The following GNG4 variants were observed in gnomAD, a reference collection of about 807,000 sequenced individuals.
GNG4 encodes the protein guanine nucleotide-binding protein G(I)/G(S)/G(O) subunit gamma-4.
A neutral mutation model predicts 5.8 loss-of-function variants in GNG4; 4 were observed. The observed-to-expected ratio is 0.69, with a 90% CI of 0.34 to 1.57. The LOEUF is 1.57. Ranked by LOEUF, GNG4 falls within the 40% of genes most tolerant of loss-of-function variation. The pLI, the probability that GNG4 is intolerant of heterozygous loss-of-function variation, is 0.06. For missense variants in GNG4, 96 were observed against 95.1 expected (o/e 1.01, Z -0.04); for synonymous variants, 29 against 32.9 (o/e 0.88, Z 0.41).
At chr1:235,616,726 ATG>A (rs56726138) in intron 1 of GNG4, among the ~76,000 whole-genome samples, 8,469 of 149,690 alleles carry the variant, frequency 0.057, 479 homozygotes, top group African/African-American at 0.15. Context: ...GTGCTGAAAG[ATG>A]TGTGTGTGTG....
chr1:235,618,484 T>C (rs950173722), intron 1 of GNG4, among the ~76,000 whole-genome samples: 10 of 152,202 alleles, frequency 6.6e-5, no homozygotes, highest in South Asian at 4.2e-4. Context: ...ATCGATTTAT[T>C]ACTATCACAT....
intron 1 of GNG4, among the ~76,000 whole-genome samples, chr1:235,607,881 C>G (rs1305380491): frequency 1.3e-5 from 2 of 152,172 alleles, no homozygotes; most frequent in Non-Finnish European, 2.9e-5. Flanking sequence ...TGAGGCTGTC[C>G]AAGAAAGATG....
intron 2 of GNG4, among the ~76,000 whole-genome samples, chr1:235,587,881 G>C (rs918488678): frequency 6.0e-5 from 9 of 151,188 alleles, no homozygotes; most frequent in African/African-American, 2.2e-4. Flanking sequence ...AGGGTGTGGG[G>C]GGTGTGTTTG....
chr1:235,607,544 C>G (rs538510332), intron 1 of GNG4, among the ~76,000 whole-genome samples: 1 of 152,370 alleles, frequency 6.6e-6, no homozygotes, highest in Non-Finnish European at 1.5e-5. Flanking sequence ...TGTGAATTAT[C>G]TGAAGCAAAT....
At chr1:235,592,505 A>C (rs767175821) in intron 2 of GNG4, among the ~76,000 whole-genome samples, 2 of 152,088 alleles carry the variant, frequency 1.3e-5, no homozygotes, top group Non-Finnish European at 2.9e-5. Flanking sequence ...TGAGACTCTT[A>C]TCTCTAAATA....
chr1:235,648,544 GGAGGAATC>G lies in GNG4; in HGVS notation c.-123+1110_-123+1117del, dbSNP rs1657571816. The stretch of plus-strand genomic sequence containing the variant: ...ACAAAAATCAGGAAAAGGAGTTGCG[GGAGGAATC>G]GAGAAGCCGGCCGCAGAGCCCAGGT... On this transcript the variant is annotated intron_variant, in intron 1 of 3. Transcript: ENST00000391854. This position sits in a 1 kb window ranked among gnomAD's most constrained non-coding sequence, Gnocchi z 5.0. 6.6e-6 allele frequency among the ~76,000 whole-genome samples: 1 copy of G among 152,236 alleles called. No homozygotes were observed. Among genetic ancestry groups the G allele is most frequent in the Admixed American group, 6.5e-5 (1 of 15,284 alleles).
chr1:235,552,421 C>G (rs890011544), intron 3 of GNG4, among the ~76,000 whole-genome samples, 184 bp from the exon 4 acceptor site: 2 of 152,090 alleles, frequency 1.3e-5, no homozygotes, highest in Non-Finnish European at 2.9e-5. Flanking sequence ...TGGTTCGAAG[C>G]GGGCCTCCAA....
intron 3 of GNG4, among the ~76,000 whole-genome samples, chr1:235,583,499 T>G (rs1018663369): frequency 6.6e-6 from 1 of 152,258 alleles, no homozygotes; most frequent in Non-Finnish European, 1.5e-5. Context: ...AGATGAATTA[T>G]GAGTCTATTT....
At chr1:235,558,458 T>C (rs1686975171) in intron 3 of GNG4, among the ~76,000 whole-genome samples, 1 of 152,188 alleles carries the variant, frequency 6.6e-6, no homozygotes, top group Non-Finnish European at 1.5e-5. Context: ...GTAATGACCG[T>C]CTAAATGAGC....
chr1:235,553,410 A>C (rs1686806907), intron 3 of GNG4, among the ~76,000 whole-genome samples: 1 of 152,232 alleles, frequency 6.6e-6, no homozygotes, highest in Non-Finnish European at 1.5e-5. Context: ...AATACATAGC[A>C]GTCAAATGAA....
chr1:235,628,642 G>A (rs1400961459), intron 1 of GNG4, among the ~76,000 whole-genome samples: 1 of 152,184 alleles, frequency 6.6e-6, no homozygotes, highest in African/African-American at 2.4e-5. Context: ...GGCAACCCAA[G>A]CAGGCCAAAC....
chr1:235,616,152 T>C (rs1205181527), intron 1 of GNG4: 5 of 508,762 alleles, frequency 9.8e-6, no homozygotes, highest in South Asian at 7.2e-5. Flanking sequence ...TGCTGCTATG[T>C]GGGTCTGGCC....
chr1:235,549,830 T>C lies in GNG4; in HGVS notation c.*2279A>G. On this transcript the variant is annotated 3_prime_UTR_variant, in exon 4 of 4. Transcript: ENST00000391854. Reference sequence around the variant, plus strand: ...GCCTCCAACGGAACCATGGTCTCTTTGAAGTCATCCATTCTTCCCTATATT... The same window carrying C: ...GCCTCCAACGGAACCATGGTCTCTTCGAAGTCATCCATTCTTCCCTATATT... The C allele has an allele frequency of 6.6e-6, 1 of 152,262 alleles. No individual in the cohort carries two copies. Among genetic ancestry groups the C allele is most frequent in the East Asian group, 1.9e-4 (1 of 5,208 alleles). The allele number at this position is 152,262 out of a possible 1,614,324, so 9.4% of individuals were successfully genotyped here.
chr1:235,635,549 G>A lies in GNG4; in HGVS notation c.-123+14113C>T, dbSNP rs375010451. On this transcript the variant is annotated intron_variant, in intron 1 of 3. Transcript: ENST00000391854. Reference sequence around the variant, plus strand: ...ATGGAGGTGGGGCCTGGTGGGAGGCGTTTGAGTCATGGGGGTGGAGCCCTC... The same window carrying A: ...ATGGAGGTGGGGCCTGGTGGGAGGCATTTGAGTCATGGGGGTGGAGCCCTC... Among the ~76,000 whole-genome samples, 8 of 22,300 alleles carry A rather than the reference G, an allele frequency of 3.6e-4. No individual in the cohort carries two copies. The East Asian group carries it at 0.014, about 38-fold the overall frequency. The allele number at this position is 22,300 out of a possible 152,430, so 14.6% of individuals were successfully genotyped here. A position where few individuals can be genotyped will look rare whatever the true frequency, so the allele number is the denominator to read the frequency against.
rs754904435 is a variant in GNG4, at chr1:235,644,612, G to T, written c.-123+5050C>A. On this transcript the variant is annotated intron_variant, in intron 1 of 3. Transcript: ENST00000391854. This position sits in a 1 kb window ranked among gnomAD's most constrained non-coding sequence, Gnocchi z 5.9. ...GGGATAAACAAGCACCTTCAGACTA[G>T]AGCAGCTTCTGAGTGATACGCAAAG... Among the ~76,000 whole-genome samples, 2 of 152,242 alleles carry T rather than the reference G, an allele frequency of 1.3e-5. No individual in the cohort carries two copies. Among genetic ancestry groups the T allele is most frequent in the Non-Finnish European group, 2.9e-5 (2 of 68,048 alleles).
At chr1:235,552,364 A>C in intron 3 of GNG4, 127 bp from the exon 4 acceptor site, 1 of 777,152 alleles carries the variant, frequency 1.3e-6, no homozygotes, top group Admixed American at 2.3e-5. Flanking sequence ...GGCCTACAAC[A>C]TGGTCATGCC....
chr1:235,556,386 C>T (rs1469984095), intron 3 of GNG4, among the ~76,000 whole-genome samples: 1 of 151,544 alleles, frequency 6.6e-6, no homozygotes, highest in Non-Finnish European at 1.5e-5. Flanking sequence ...GGTGAAACCC[C>T]GTCTCTACTA....
chr1:235,616,922 TTTTTC>T (rs1196609839), intron 1 of GNG4, among the ~76,000 whole-genome samples: 3 of 136,886 alleles, frequency 2.2e-5, no homozygotes, highest in African/African-American at 6.8e-5. Flanking sequence ...TTTTTTTTTT[TTTTTC>T]AGTAGAGATG....
intron 2 of GNG4, among the ~76,000 whole-genome samples, chr1:235,587,666 G>C (rs1289909361): frequency 7.4e-5 from 9 of 120,926 alleles, no homozygotes; most frequent in South Asian, 2.9e-4. Context: ...GGGTGTGTGT[G>C]TGACTGTGGG....
Sources: allele counts gnomAD v4.1 joint callset (sites outside exome capture counted in the v4.1 genomes callset), GRCh38; gene constraint gnomAD v4.1.1; non-coding constraint Gnocchi (gnomAD v3.1); transcripts MANE v1.5; gene names NCBI Gene and HGNC (gene_info 2026-07-23, HGNC 2026-07-21).